Variants in CERS6 observed in about 807,000 individuals in gnomAD.
CERS6 encodes the protein ceramide synthase 6.
Under a neutral mutation model 56.8 loss-of-function variants are expected in CERS6, and 26 were observed. That is an observed-to-expected ratio of 0.46 (90% CI 0.34 to 0.63). CERS6 has a LOEUF of 0.63. CERS6 is among the 30% of genes least tolerant of loss of function. CERS6 has a pLI of 0.01. For missense variants in CERS6, 415 were observed against 467.5 expected (o/e 0.89, Z 1.04); for synonymous variants, 164 against 173.3 (o/e 0.95, Z 0.42).
intron 1 of CERS6, among the ~76,000 whole-genome samples, chr2:168,519,836 A>ATG (rs1335670812): frequency 1.3e-5 from 2 of 152,054 alleles, no homozygotes; most frequent in Non-Finnish European, 2.9e-5. Flanking sequence ...TCCACTGTTG[A>ATG]TGGGCATCTG....
intron 3 of CERS6, among the ~76,000 whole-genome samples, chr2:168,589,456 T>G (rs998783148): frequency 5.3e-5 from 8 of 152,192 alleles, no homozygotes; most frequent in African/African-American, 1.9e-4. Flanking sequence ...CTACTCCCCT[T>G]CTCTGACTGC....
At chr2:168,627,228 A>G (rs564603909) in intron 3 of CERS6, among the ~76,000 whole-genome samples, 1 of 152,340 alleles carries the variant, frequency 6.6e-6, no homozygotes, top group East Asian at 1.9e-4. Context: ...GTATTAAATT[A>G]TCCCTTAAAA....
chr2:168,558,847 C>T (rs1385429169), intron 2 of CERS6, among the ~76,000 whole-genome samples: 2 of 152,072 alleles, frequency 1.3e-5, no homozygotes, highest in East Asian at 1.9e-4. Context: ...CCAGCCTGGG[C>T]GACAGAGCAA....
chr2:168,505,542 G>T (rs1463930730), intron 1 of CERS6, among the ~76,000 whole-genome samples: 2 of 152,086 alleles, frequency 1.3e-5, no homozygotes, highest in Non-Finnish European at 2.9e-5. Context: ...ACTTAAAAGT[G>T]GTCATAGGTT....
intron 3 of CERS6, among the ~76,000 whole-genome samples, chr2:168,626,893 C>T (rs1684603495): frequency 6.6e-6 from 1 of 152,250 alleles, no homozygotes; most frequent in Middle Eastern, 3.4e-3. Context: ...AACATTCCTC[C>T]CCTCCTGCAG....
At chr2:168,752,533 C>T (rs547311974) in intron 8 of CERS6, among the ~76,000 whole-genome samples, 3 of 152,306 alleles carry the variant, frequency 2.0e-5, no homozygotes, top group Admixed American at 2.0e-4. Flanking sequence ...AGGTCACACC[C>T]AGCCAGTCCT....
chr2:168,640,783 A>C (rs1188453786), intron 4 of CERS6, among the ~76,000 whole-genome samples: 2 of 152,206 alleles, frequency 1.3e-5, no homozygotes, highest in African/African-American at 4.8e-5. Flanking sequence ...TAGCCAAAGA[A>C]GGCTGAGTTT....
Position 168,501,046 on chromosome 2 carries a change from A to G in CERS6, c.170+44428A>G, listed in dbSNP as rs190719249. Among the ~76,000 whole-genome samples the G allele has an allele frequency of 2.5e-3, 385 of 152,322 alleles. 1 individual carries two copies. Among genetic ancestry groups the G allele is most frequent in the African/African-American group, 8.7e-3 (361 of 41,574 alleles). ...CAACAATAATTGTAAAAATTCCTAA[A>G]CCTGAAACACCAAGTGTGATAGCCA... On this transcript the variant is annotated intron_variant, in intron 1 of 9. Transcript: ENST00000305747.
chr2:168,643,996 C>T (rs11889012), intron 4 of CERS6, among the ~76,000 whole-genome samples: 1,858 of 152,256 alleles, frequency 0.012, 20 homozygotes, highest in African/African-American at 0.03. Context: ...AGAAGGCATT[C>T]GCTAGTATAT....
At chr2:168,650,397 G>C (rs528743052) in intron 4 of CERS6, among the ~76,000 whole-genome samples, 1 of 152,304 alleles carries the variant, frequency 6.6e-6, no homozygotes, top group South Asian at 2.1e-4. Context: ...GACAGAGCTT[G>C]GGAATTTATT....
chr2:168,673,985 G>C (rs914728548), intron 4 of CERS6, among the ~76,000 whole-genome samples: 8 of 152,124 alleles, frequency 5.3e-5, no homozygotes, highest in African/African-American at 1.9e-4. Flanking sequence ...TTTCTCCTAG[G>C]ATATGAGTTT....
intron 1 of CERS6, among the ~76,000 whole-genome samples, chr2:168,528,193 T>C (rs973892668): frequency 7.9e-5 from 12 of 152,244 alleles, no homozygotes; most frequent in African/African-American, 2.9e-4. Context: ...TTTACTATTA[T>C]AGTATTACAG....
chr2:168,568,699 A>G (rs1014723118), intron 3 of CERS6, among the ~76,000 whole-genome samples: 4 of 152,238 alleles, frequency 2.6e-5, no homozygotes, highest in Admixed American at 2.0e-4. Context: ...AGACGGCTGT[A>G]GAAAGGTTAT....
chr2:168,623,007 G>C (rs79492365), intron 3 of CERS6, among the ~76,000 whole-genome samples: 2,630 of 152,200 alleles, frequency 0.017, 105 homozygotes, highest in East Asian at 0.16. Context: ...GGATGTTTTT[G>C]AAACTACAGT....
intron 6 of CERS6, among the ~76,000 whole-genome samples, chr2:168,703,779 T>C (rs1686864234): frequency 6.6e-6 from 1 of 152,154 alleles, no homozygotes; most frequent in Admixed American, 6.5e-5. Context: ...AGGTGCAAAG[T>C]TGCTCTTTTA....
chr2:168,487,654 CT>C (rs1694298878), intron 1 of CERS6, among the ~76,000 whole-genome samples: 2 of 152,080 alleles, frequency 1.3e-5, no homozygotes, highest in African/African-American at 4.8e-5. Flanking sequence ...ATATTTTTTT[CT>C]TAAGCTACTT....
rs369324454 is a variant in CERS6, at chr2:168,749,051, A to G, written c.846-16541A>G. Among the ~76,000 whole-genome samples the G allele has an allele frequency of 2.7e-4, 39 of 146,650 alleles. 1 individual carries two copies. In the East Asian group the frequency reaches 5.2e-3, roughly 20 times the overall value. On this transcript the variant is annotated intron_variant, in intron 8 of 9. Coordinates refer to ENST00000305747, the MANE Select transcript of CERS6 (RefSeq NM_203463.3). Reference sequence around the variant, plus strand: ...AGACAAGGTTTGAGGTATTGTACCCATCATTTCCAGAAGCACTCTCTCTCC... The same window carrying G: ...AGACAAGGTTTGAGGTATTGTACCCGTCATTTCCAGAAGCACTCTCTCTCC...
chr2:168,692,415 C>G (rs1305819104), intron 5 of CERS6, among the ~76,000 whole-genome samples: 1 of 152,090 alleles, frequency 6.6e-6, no homozygotes, highest in Non-Finnish European at 1.5e-5. Flanking sequence ...TAATTTAGTC[C>G]AGAATAACTT....
intron 1 of CERS6, among the ~76,000 whole-genome samples, chr2:168,484,036 A>G (rs1694225772): frequency 6.6e-6 from 1 of 152,184 alleles, no homozygotes; most frequent in African/African-American, 2.4e-5. Context: ...TTGTACCAGT[A>G]TGTTCAAAGC....
Sources: allele counts gnomAD v4.1 joint callset (sites outside exome capture counted in the v4.1 genomes callset), GRCh38; gene constraint gnomAD v4.1.1; transcripts MANE v1.5; gene names NCBI Gene and HGNC (gene_info 2026-07-23, HGNC 2026-07-21).